The following HIPK3 variants were observed in gnomAD, a reference collection of about 807,000 sequenced individuals.
HIPK3 encodes homeodomain interacting protein kinase 3.
In HIPK3, 47 loss-of-function variants were observed where a neutral mutation model predicts 124.2. The ratio of observed to expected loss-of-function variants is 0.38; its 90% confidence interval spans 0.30 to 0.48. The LOEUF (loss-of-function observed/expected upper bound fraction) is 0.48. HIPK3 is among the 20% of genes least tolerant of loss of function. The probability of loss-of-function intolerance (pLI) is 0.98; values close to 1 mark genes in which losing one functional copy is unlikely to be tolerated. For missense variants in HIPK3, 1,286 were observed against 1,454.3 expected, an observed-to-expected ratio of 0.88 and a Z score of 1.88; for synonymous variants, 482 against 515.2, an observed-to-expected ratio of 0.94 and a Z score of 0.87.
At chr11:33,352,079 C>G (rs1207758325) in intron 15 of HIPK3, 59 bp from the exon 16 acceptor site, 10 of 1,504,036 alleles carry the variant, frequency 6.6e-6, no homozygotes, top group Non-Finnish European at 9.2e-6. Context: ...AAAGACTTTG[C>G]TAATTTTTTA....
chr11:33,302,863 C>T (rs1387802052), intron 2 of HIPK3, among the ~76,000 whole-genome samples: 1 of 152,130 alleles, frequency 6.6e-6, no homozygotes, highest in African/African-American at 2.4e-5. Flanking sequence ...TTTCTATCCT[C>T]TTTCCTTAGG....
chr11:33,316,708 A>G (rs1030033276), intron 2 of HIPK3, among the ~76,000 whole-genome samples: 1 of 152,158 alleles, frequency 6.6e-6, no homozygotes, highest in Non-Finnish European at 1.5e-5. Flanking sequence ...CTGTAGTCCC[A>G]GCTACTTGGG....
intron 8 of HIPK3, among the ~76,000 whole-genome samples, chr11:33,343,863 G>GA (rs1358584736): frequency 3.3e-5 from 5 of 152,156 alleles, no homozygotes; most frequent in African/African-American, 4.8e-5. Context: ...TTCTGAAGGT[G>GA]AAATTGTGGC....
chr11:33,257,365 C>T (rs1473943203), upstream of HIPK3: 2 of 984,800 alleles, frequency 2.0e-6, no homozygotes, highest in Non-Finnish European at 2.4e-6. Context: ...AGGAGGGGCC[C>T]GAGGCTGGGG....
At chr11:33,338,158 T>C (rs1178427976) in intron 4 of HIPK3, among the ~76,000 whole-genome samples, 2 of 152,272 alleles carry the variant, frequency 1.3e-5, no homozygotes, top group Admixed American at 6.5e-5. Context: ...TCTAACCACT[T>C]ACTACATATC....
Position 33,286,730 on chromosome 11 carries a change from G to T in HIPK3, c.316G>T (p.Ala106Ser). The T allele has an allele frequency of 6.2e-7, 1 of 1,614,082 alleles. No individual in the cohort carries two copies. The highest frequency in any genetic ancestry group is 8.5e-7 in the Non-Finnish European group (1 of 1,180,008). ...AAQAQQAHVQ[A>S]PQIGAWRNRL... ...TCAGGCACAGCAAGCTCACGTGCAG[G>T]CACCTCAGATTGGGGCGTGGCGAAA... is the stretch of plus-strand genomic sequence containing the variant. Residue 106 changes from alanine to serine, a missense_variant, in exon 2 of 17, where the codon GCA (alanine) becomes TCA (serine). Physicochemically the swap from Ala to Ser is moderately conservative, Grantham distance 99. This residue lies in a region of HIPK3 where 225 missense variants were observed against 240.3 expected (regional missense o/e 0.94). Coordinates refer to ENST00000303296, the MANE Select transcript of HIPK3 (RefSeq NM_005734.5).
chr11:33,351,975 ATCT>A (rs1245866230), intron 15 of HIPK3, 132 bp downstream of exon 15: 3 of 988,006 alleles, frequency 3.0e-6, no homozygotes, highest in South Asian at 3.2e-5. Context: ...TACAGAGGAA[ATCT>A]TCTAGTATTA....
chr11:33,292,988 C>T (rs528357838), intron 2 of HIPK3, among the ~76,000 whole-genome samples: 3 of 152,202 alleles, frequency 2.0e-5, no homozygotes, highest in Non-Finnish European at 4.4e-5. Context: ...CCACCCGCCT[C>T]AGCTTCCCAA....
chr11:33,334,866 G>T (rs1565091270), intron 3 of HIPK3, among the ~76,000 whole-genome samples: 4 of 152,168 alleles, frequency 2.6e-5, no homozygotes, highest in Non-Finnish European at 5.9e-5. Flanking sequence ...GGCGTGAGCG[G>T]CTAAGGACAT....
At chr11:33,307,343 C>T (rs1374431078) in intron 2 of HIPK3, among the ~76,000 whole-genome samples, 2 of 150,884 alleles carry the variant, frequency 1.3e-5, no homozygotes, top group East Asian at 1.9e-4. Flanking sequence ...TATGAACACA[C>T]TTATATAACC....
rs1465228808 is a variant in HIPK3 at position 33,347,839 on chromosome 11, A to T, written c.2145-13A>T. The T allele has an allele frequency of 6.2e-7, 1 of 1,614,072 alleles. No homozygotes were observed. The highest frequency in any genetic ancestry group is 2.2e-5 in the East Asian group (1 of 44,884). Reference sequence around the variant, plus strand: ...GATCTTGATTAAAAACATTGTTCTGAACTTCTCCCTAGGAAGATGATTTCA... The same window carrying T: ...GATCTTGATTAAAAACATTGTTCTGTACTTCTCCCTAGGAAGATGATTTCA... On this transcript the variant is annotated splice_polypyrimidine_tract_variant and intron_variant, in intron 10 of 16. Transcript: ENST00000303296.
intron 3 of HIPK3, among the ~76,000 whole-genome samples, chr11:33,329,794 C>T (rs1013035823): frequency 2.6e-5 from 4 of 152,122 alleles, no homozygotes; most frequent in Admixed American, 1.3e-4. Context: ...CAGTTCTGAA[C>T]GAGTTAGTAA....
At chr11:33,279,183 G>A (rs1185966136) in intron 1 of HIPK3, among the ~76,000 whole-genome samples, 4 of 151,938 alleles carry the variant, frequency 2.6e-5, no homozygotes, top group Non-Finnish European at 5.9e-5. Context: ...ACATGGTGGT[G>A]TATGCCTATA....
chr11:33,302,205 C>G (rs1051212913), intron 2 of HIPK3, among the ~76,000 whole-genome samples: 11 of 152,082 alleles, frequency 7.2e-5, no homozygotes, highest in Non-Finnish European at 1.2e-4. Context: ...CCTTCCTTCC[C>G]AATTTTTCCT....
intron 1 of HIPK3, among the ~76,000 whole-genome samples, chr11:33,286,147 A>G (rs1851544408): frequency 1.3e-5 from 2 of 152,164 alleles, no homozygotes; most frequent in Non-Finnish European, 2.9e-5. Context: ...TAAGTAATTA[A>G]ATGCACTTGA....
rs114208131 is a variant in HIPK3, at chr11:33,342,531, G to A, written c.1897+845G>A. 5.5e-3 allele frequency among the ~76,000 whole-genome samples: 805 copies of A among 146,968 alleles called. 7 individuals carry two copies. The highest frequency in any genetic ancestry group is 0.019 in the African/African-American group (768 of 39,874). On this transcript the variant is annotated intron_variant, in intron 8 of 16. Transcript: ENST00000303296. ...ATGGGTGACAGAATACCTTTGAAGA[G>A]GCTATACATTCTTTTTTTTTTTTTT...
At chr11:33,318,267 A>G (rs1049592862) in intron 2 of HIPK3, among the ~76,000 whole-genome samples, 2 of 151,902 alleles carry the variant, frequency 1.3e-5, no homozygotes, top group Admixed American at 1.3e-4. Context: ...GGGTCTCACT[A>G]TGTTACCCAG....
At chr11:33,291,787 G>A (rs959516985) in intron 2 of HIPK3, among the ~76,000 whole-genome samples, 1 of 152,000 alleles carries the variant, frequency 6.6e-6, no homozygotes, top group African/African-American at 2.4e-5. Context: ...AGTCATTTCA[G>A]AACACAGAGA....
At chr11:33,349,704 G>T (rs905263967) in intron 14 of HIPK3, among the ~76,000 whole-genome samples, 1 of 152,084 alleles carries the variant, frequency 6.6e-6, no homozygotes, top group African/African-American at 2.4e-5. Context: ...TCCCACCTTG[G>T]CCTCCCAAAG....
Sources: allele counts gnomAD v4.1 joint callset (sites outside exome capture counted in the v4.1 genomes callset), GRCh38; gene constraint gnomAD v4.1.1; regional missense constraint gnomAD v4.1.1; transcripts MANE v1.5; gene names NCBI Gene and HGNC (gene_info 2026-07-23, HGNC 2026-07-21).